The following TUBA4B variants were observed in gnomAD, a reference collection of about 807,000 sequenced individuals.
The protein encoded by TUBA4B is tubulin alpha 4b.
Under a neutral mutation model 18.4 loss-of-function variants are expected in TUBA4B, and 13 were observed. The ratio of observed to expected loss-of-function variants is 0.71; its 90% CI spans 0.46 to 1.12. TUBA4B has a LOEUF of 1.12. Among genes scored for constraint, TUBA4B ranks in the 50% most tolerant of loss-of-function variants. TUBA4B has a pLI of 0.00. For missense variants in TUBA4B, 244 were observed against 250.0 expected (o/e 0.98, Z 0.16); for synonymous variants, 101 against 99.1 (o/e 1.02, Z -0.11).
intron 1 of TUBA4B, among the ~76,000 whole-genome samples, chr2:219,259,801 C>T (rs1951748824): frequency 6.6e-6 from 1 of 152,184 alleles, no homozygotes. Context: ...GTGCATCCTT[C>T]AGTTTTTCCA....
rs1403866703 is a variant in TUBA4B at position 219,253,418 on chromosome 2, A to G, written c.11A>G (p.Gln4Arg). The G allele has an allele frequency of 1.3e-6, 2 of 1,524,594 alleles. No homozygotes were observed. The highest frequency in any genetic ancestry group is 2.0e-5 in the Admixed American group (1 of 50,994). The allele number at this position is 1,524,594 out of a possible 1,614,324, so 94.4% of individuals were successfully genotyped here. MRH[Q>R]QTERQDPSQP... is the part of the protein sequence containing the mutation. The stretch of plus-strand genomic sequence containing the variant: ...ACAGAGGAAAGGGGGATGCGGCACC[A>G]GGTAACCTGACCCCTTCCACCTTCT... The change falls in exon 1 of 4, where the codon CAG becomes CGG. Residue 4 changes from glutamine to arginine, a missense_variant and splice_region_variant. Gln to Arg is a conservative substitution (Grantham distance 43). Coordinates refer to ENST00000490341, the MANE Select transcript of TUBA4B (RefSeq NM_001355221.1).
chr2:219,270,666 GT>G (rs1951819710), intron 3 of TUBA4B, among the ~76,000 whole-genome samples: 1 of 134,332 alleles, frequency 7.4e-6, no homozygotes, highest in African/African-American at 3.7e-5. Flanking sequence ...GTGGGCAGAA[GT>G]CCCTGTGAAA....
intron 1 of TUBA4B, among the ~76,000 whole-genome samples, chr2:219,255,607 C>T (rs572067377): frequency 6.6e-6 from 1 of 151,990 alleles, no homozygotes; most frequent in Non-Finnish European, 1.5e-5. Context: ...TGAGCTCAAG[C>T]GATCCACCCG....
At position 219,255,963 on chromosome 2, in the gene TUBA4B, A is replaced by G. The variant is rs1356598420; in HGVS notation, c.12+2544A>G. 2.0e-5 allele frequency among the ~76,000 whole-genome samples: 3 copies of G among 152,152 alleles called. No homozygotes were observed. In the East Asian group the frequency reaches 5.8e-4, roughly 29 times the overall value. ...CTGATTGGGAGAACAAGACTCATTC[A>G]TAAAAAGAAAACTGACAGGGGCGTA... is the stretch of plus-strand genomic sequence containing the variant. On this transcript the variant is annotated intron_variant, in intron 1 of 3. Transcript: ENST00000490341.
chr2:219,258,944 C>T (rs1272998542), intron 1 of TUBA4B, among the ~76,000 whole-genome samples: 7 of 151,914 alleles, frequency 4.6e-5, no homozygotes, highest in East Asian at 3.9e-4. Context: ...TCCTTGAGCA[C>T]GCTTTCTAGC....
At chr2:219,267,530 G>A (rs752052128) in intron 2 of TUBA4B, among the ~76,000 whole-genome samples, 2 of 152,086 alleles carry the variant, frequency 1.3e-5, no homozygotes, top group Non-Finnish European at 2.9e-5. Flanking sequence ...ACAGAGAGAT[G>A]GGGGTTTGAG....
intron 1 of TUBA4B, among the ~76,000 whole-genome samples, chr2:219,263,050 C>G (rs573396271): frequency 6.6e-6 from 1 of 152,002 alleles, no homozygotes; most frequent in Non-Finnish European, 1.5e-5. Context: ...CCCCACCCCC[C>G]AAAAAAGCAT....
rs775842607 is a variant in TUBA4B at position 219,271,722 on chromosome 2, G to C, written c.*23G>C. 56 of 1,612,396 alleles carry C rather than the reference G, an allele frequency of 3.5e-5. No homozygotes were observed. Among genetic ancestry groups the C allele is most frequent in the Non-Finnish European group, 4.7e-5 (55 of 1,178,490 alleles). On this transcript the variant is annotated 3_prime_UTR_variant, in exon 4 of 4. Coordinates refer to ENST00000490341, the MANE Select transcript of TUBA4B (RefSeq NM_001355221.1). ...TGAAGTGTGATCCCCGGCACGGCAA[G>C]TACATGGCCTGCTGCCTGCTATACC...
At chr2:219,253,919 G>T in intron 1 of TUBA4B, 3 of 1,342,256 alleles carry the variant, frequency 2.2e-6, no homozygotes, top group East Asian at 3.0e-5. Flanking sequence ...TGAGAACTGC[G>T]CTAGCTGCAG....
intron 1 of TUBA4B, among the ~76,000 whole-genome samples, chr2:219,255,444 G>C (rs1422050537): frequency 6.6e-6 from 1 of 152,104 alleles, no homozygotes; most frequent in Non-Finnish European, 1.5e-5. Flanking sequence ...TGTTGGTCAG[G>C]CTGGTCTCCA....
chr2:219,267,281 A>G (rs1247630715), intron 2 of TUBA4B, among the ~76,000 whole-genome samples: 1 of 152,198 alleles, frequency 6.6e-6, no homozygotes, highest in Non-Finnish European at 1.5e-5. Context: ...GACTTCTCTG[A>G]GGGTCGGTTT....
At chr2:219,262,259 T>C (rs935282520) in intron 1 of TUBA4B, among the ~76,000 whole-genome samples, 39 of 152,304 alleles carry the variant, frequency 2.6e-4, no homozygotes, top group African/African-American at 6.5e-4. Flanking sequence ...TGCAGTGAGC[T>C]GAGATCGTGC....
chr2:219,272,135 G>GA lies in TUBA4B; in HGVS notation c.*437dup. On this transcript the variant is annotated 3_prime_UTR_variant, in exon 4 of 4. Coordinates refer to ENST00000490341, the MANE Select transcript of TUBA4B (RefSeq NM_001355221.1). ...AGTGGGGGGAAGAAAAGATAGGGGG[G>GA]ATGAATACTAGGGGAATACTGTGTG... is the stretch of plus-strand genomic sequence containing the variant. 1 of 661,094 alleles carries GA rather than the reference G, an allele frequency of 1.5e-6. No individual in the cohort carries two copies. Among genetic ancestry groups the GA allele is most frequent in the Non-Finnish European group, 2.7e-6 (1 of 376,294 alleles). 41.0% of individuals were successfully genotyped at this position (661,094 alleles called of 1,614,324 possible).
rs2071385 is a variant in TUBA4B at position 219,254,060 on chromosome 2, T to G, written c.12+641T>G. 62,392 of 476,568 alleles carry G rather than the reference T, an allele frequency of 0.13. 5,563 individuals carry two copies. Among genetic ancestry groups the G allele is most frequent in the African/African-American group, 0.32 (15,789 of 49,050 alleles). The allele number at this position is 476,568 out of a possible 1,614,324, so 29.5% of individuals were successfully genotyped here. ...CCCCCCCGAGGGGCGGAGCCTGGCC[T>G]GGTACCCTCCCCAAGCTGCGCGGGG... On this transcript the variant is annotated intron_variant, in intron 1 of 3. Coordinates refer to ENST00000490341, the MANE Select transcript of TUBA4B (RefSeq NM_001355221.1).
chr2:219,262,752 A>G (rs1414102619), intron 1 of TUBA4B, among the ~76,000 whole-genome samples: 1 of 152,164 alleles, frequency 6.6e-6, no homozygotes, highest in Non-Finnish European at 1.5e-5. Flanking sequence ...TCTTAAGAGC[A>G]TAAACTTGCC....
chr2:219,253,836 C>A (rs1177022464), intron 1 of TUBA4B: 1 of 1,513,226 alleles, frequency 6.6e-7, no homozygotes, highest in Non-Finnish European at 8.8e-7. Flanking sequence ...CAGGCGCGAC[C>A]CCGGCCGGGC....
chr2:219,262,180 G>A (rs1951763528), intron 1 of TUBA4B, among the ~76,000 whole-genome samples: 1 of 152,168 alleles, frequency 6.6e-6, no homozygotes, highest in Admixed American at 6.6e-5. Context: ...GCGTGGTGGT[G>A]GGCGCCTGTA....
intron 2 of TUBA4B, among the ~76,000 whole-genome samples, chr2:219,268,824 G>A (rs189759852): frequency 2.0e-5 from 3 of 152,182 alleles, no homozygotes; most frequent in African/African-American, 4.8e-5. Context: ...GCTGGGCGGC[G>A]GTGGCTCATG....
chr2:219,256,060 T>A (rs975521308), intron 1 of TUBA4B, among the ~76,000 whole-genome samples: 10 of 152,348 alleles, frequency 6.6e-5, no homozygotes, highest in Admixed American at 5.9e-4. Flanking sequence ...ATAGGACACA[T>A]GGCAGTAGGT....
Sources: allele counts gnomAD v4.1 joint callset (sites outside exome capture counted in the v4.1 genomes callset), GRCh38; gene constraint gnomAD v4.1.1; transcripts MANE v1.5; gene names NCBI Gene and HGNC (gene_info 2026-07-23, HGNC 2026-07-21).